Variants in MAP4K3 observed in about 807,000 individuals in gnomAD.
MAP4K3 encodes mitogen-activated protein kinase kinase kinase kinase 3.
MAP4K3 carries 94 observed loss-of-function variants against 143.5 expected under a neutral mutation model. The ratio of observed to expected loss-of-function variants is 0.65; its 90% CI spans 0.55 to 0.78. The LOEUF (loss-of-function observed/expected upper bound fraction) is 0.78. Ranked by LOEUF, MAP4K3 falls within the 30% of genes least tolerant of loss-of-function variation. The probability of loss-of-function intolerance (pLI) is 0.00; values close to 1 mark genes in which losing one functional copy is unlikely to be tolerated. For synonymous variants in MAP4K3, 416 were observed against 347.2 expected (o/e 1.20, Z -2.20); for missense variants, 1,077 against 1,068.1 (o/e 1.01, Z -0.12).
intron 1 of MAP4K3, 147 bp downstream of exon 1, chr2:39,436,745 C>CAG (rs1440611726): frequency 1.5e-6 from 1 of 660,986 alleles, no homozygotes; most frequent in Non-Finnish European, 2.6e-6. Context: ...ACCAAGGCAG[C>CAG]AGAGCCCTTG....
chr2:39,283,358 T>A (rs1325793126), intron 21 of MAP4K3, among the ~76,000 whole-genome samples: 1 of 152,180 alleles, frequency 6.6e-6, no homozygotes, highest in Non-Finnish European at 1.5e-5. Context: ...TGCTCCTCAT[T>A]AATTTGCATG....
intron 4 of MAP4K3, among the ~76,000 whole-genome samples, chr2:39,339,415 T>G (rs1238759471): frequency 6.6e-6 from 1 of 152,170 alleles, no homozygotes; most frequent in African/African-American, 2.4e-5. Flanking sequence ...ACCTTTTCAA[T>G]TACTAGCTAA....
At chr2:39,417,709 T>C (rs1303593327) in intron 1 of MAP4K3, among the ~76,000 whole-genome samples, 1 of 152,230 alleles carries the variant, frequency 6.6e-6, no homozygotes, top group Non-Finnish European at 1.5e-5. Flanking sequence ...ACGTATTTCC[T>C]AGCTTCATCT....
At chr2:39,399,044 T>TAA (rs57189056) in intron 1 of MAP4K3, among the ~76,000 whole-genome samples, 49 of 116,406 alleles carry the variant, frequency 4.2e-4, no homozygotes, top group African/African-American at 1.4e-3. Flanking sequence ...TCTGTCTCGT[T>TAA]AAAAAAAAAA....
At chr2:39,393,132 C>T (rs1447665181) in intron 1 of MAP4K3, among the ~76,000 whole-genome samples, 1 of 152,188 alleles carries the variant, frequency 6.6e-6, no homozygotes, top group Non-Finnish European at 1.5e-5. Context: ...ATCCCTACCT[C>T]CAATTTGTTT....
At chr2:39,333,710 C>T (rs1683756216) in intron 6 of MAP4K3, 136 bp from the exon 7 acceptor site, 3 of 489,778 alleles carry the variant, frequency 6.1e-6, no homozygotes, top group Non-Finnish European at 7.2e-6. Flanking sequence ...ATTAAAATGT[C>T]GTATCATTAG....
chr2:39,390,563 G>A (rs1293096852), intron 1 of MAP4K3, among the ~76,000 whole-genome samples: 1 of 152,138 alleles, frequency 6.6e-6, no homozygotes. Context: ...GCAGATGAAT[G>A]GGGTTTAAGA....
chr2:39,343,686 T>C (rs1665205222), intron 3 of MAP4K3, among the ~76,000 whole-genome samples: 1 of 152,156 alleles, frequency 6.6e-6, no homozygotes, highest in Non-Finnish European at 1.5e-5. Context: ...ATAAAGCTGT[T>C]ATCAGGCACA....
At chr2:39,425,590 T>C (rs1665042884) in intron 1 of MAP4K3, among the ~76,000 whole-genome samples, 2 of 152,120 alleles carry the variant, frequency 1.3e-5, no homozygotes, top group African/African-American at 4.8e-5. Flanking sequence ...GAAGGCCATC[T>C]ACAAGCCAGA....
intron 16 of MAP4K3, among the ~76,000 whole-genome samples, chr2:39,299,428 A>G (rs59788679): frequency 0.02 from 3,097 of 152,304 alleles, 101 homozygotes; most frequent in African/African-American, 0.071. Flanking sequence ...AGCAAGTTTT[A>G]TAAGAAATAA....
intron 2 of MAP4K3, among the ~76,000 whole-genome samples, chr2:39,359,213 C>A (rs770514193): frequency 2.1e-4 from 32 of 152,148 alleles, no homozygotes; most frequent in Admixed American, 1.2e-3. Context: ...AGGCCCCTTG[C>A]AAGTCTGAAA....
intron 2 of MAP4K3, among the ~76,000 whole-genome samples, chr2:39,370,523 G>T (rs1362471664): frequency 6.6e-6 from 1 of 152,232 alleles, no homozygotes; most frequent in South Asian, 2.1e-4. Flanking sequence ...AAGGCTGGCA[G>T]GAGAGAATAT....
chr2:39,268,634 ATTTTTTT>A (rs70954799), intron 26 of MAP4K3, among the ~76,000 whole-genome samples: 19 of 73,786 alleles, frequency 2.6e-4, no homozygotes, highest in Admixed American at 7.0e-4. Context: ...GATTTTTTCT[ATTTTTTT>A]TTTTTTTTTT....
chr2:39,369,193 G>GTTTTTTTGTTTGTT (rs747293878), intron 2 of MAP4K3, among the ~76,000 whole-genome samples: 3,973 of 37,478 alleles, frequency 0.11, 292 homozygotes, highest in African/African-American at 0.22. Flanking sequence ...CTTTGGGCTA[G>GTTTTTTTGTTTGTT]TTTTTTTTTT....
At chr2:39,267,958 T>C (rs553112314) in intron 26 of MAP4K3, among the ~76,000 whole-genome samples, 22 of 152,294 alleles carry the variant, frequency 1.4e-4, no homozygotes, top group Middle Eastern at 3.4e-3. Context: ...AAAGATATCA[T>C]TGAGAAAATG....
intron 12 of MAP4K3, among the ~76,000 whole-genome samples, chr2:39,322,622 A>G (rs62136470): frequency 9.5e-5 from 6 of 63,254 alleles, no homozygotes; most frequent in African/African-American, 1.8e-4. Context: ...GTGTGTATAT[A>G]TGTATATATA....
At chr2:39,382,668 C>T (rs1374082471) in intron 1 of MAP4K3, among the ~76,000 whole-genome samples, 1 of 152,024 alleles carries the variant, frequency 6.6e-6, no homozygotes, top group Non-Finnish European at 1.5e-5. Context: ...AAATACAAAA[C>T]AAAACAATAA....
At chr2:39,395,855 C>T (rs868154654) in intron 1 of MAP4K3, among the ~76,000 whole-genome samples, 2 of 151,892 alleles carry the variant, frequency 1.3e-5, no homozygotes, top group Non-Finnish European at 1.5e-5. Context: ...AATTACTCTT[C>T]AAAATATTTT....
chr2:39,396,256 G>A lies in MAP4K3; in HGVS notation c.97-18133C>T, dbSNP rs1666802345. 2.6e-5 allele frequency among the ~76,000 whole-genome samples: 4 copies of A among 151,982 alleles called. No individual in the cohort carries two copies. The South Asian group carries it at 6.2e-4, about 24-fold the overall frequency. On this transcript the variant is annotated intron_variant, in intron 1 of 33. Transcript: ENST00000263881. The stretch of plus-strand genomic sequence containing the variant: ...GGGTCTCACGATGTTGCTCAGGCTG[G>A]TCTCAAACTCCTGACCTCAAGTGAT...
Sources: gnomAD v4.1 joint callset for allele counts (sites outside exome capture counted in the v4.1 genomes callset) on GRCh38, gnomAD v4.1.1 for gene constraint, MANE v1.5 for transcripts, NCBI Gene and HGNC (gene_info 2026-07-23, HGNC 2026-07-21) for gene names.